ITGA1: variants seen among roughly 807,000 people sequenced by gnomAD.
The protein encoded by ITGA1 is integrin alpha-1.
ITGA1 carries 85 observed loss-of-function variants against 145.9 expected under a neutral mutation model. The observed-to-expected ratio is 0.58, with a 90% CI of 0.49 to 0.70. The LOEUF (loss-of-function observed/expected upper bound fraction) is 0.70. ITGA1 is among the 30% of genes least tolerant of loss of function. ITGA1 has a pLI of 0.00. For missense variants in ITGA1, 1,351 were observed against 1,418.7 expected, an observed-to-expected ratio of 0.95 and a Z score of 0.77; for synonymous variants, 520 against 495.3, an observed-to-expected ratio of 1.05 and a Z score of -0.66.
chr5:52,817,801 A>C, intron 1 of ITGA1, among the ~76,000 whole-genome samples: 1 of 152,346 alleles, frequency 6.6e-6, no homozygotes, highest in East Asian at 1.9e-4. Flanking sequence ...TATGCAAATT[A>C]TAATATACAT....
chr5:52,912,252 A>G (rs1750567910), intron 14 of ITGA1, among the ~76,000 whole-genome samples: 1 of 144,714 alleles, frequency 6.9e-6, no homozygotes, highest in African/African-American at 2.5e-5. Context: ...TACAATATAT[A>G]TTATATATAG....
chr5:52,847,076 A>T (rs1724776134), intron 1 of ITGA1, among the ~76,000 whole-genome samples: 1 of 152,192 alleles, frequency 6.6e-6, no homozygotes, highest in African/African-American at 2.4e-5. Flanking sequence ...GGAATTTTCC[A>T]ATTTGGGGGG....
intron 2 of ITGA1, among the ~76,000 whole-genome samples, chr5:52,852,296 G>C (rs1580062109): frequency 6.6e-6 from 1 of 152,138 alleles, no homozygotes. Context: ...GTCATTTTAT[G>C]AAACTTAATT....
chr5:52,920,947 T>C (rs1013968533), intron 17 of ITGA1, among the ~76,000 whole-genome samples: 1 of 151,856 alleles, frequency 6.6e-6, no homozygotes. Context: ...GGGAAAATTA[T>C]CTGGTATTTT....
At chr5:52,951,683 C>G (rs1386449863) in intron 28 of ITGA1, among the ~76,000 whole-genome samples, 5 of 152,108 alleles carry the variant, frequency 3.3e-5, no homozygotes, top group Non-Finnish European at 7.4e-5. Flanking sequence ...GTCAGATTCC[C>G]TACCATCTCT....
chr5:52,911,159 TGTATATAGA>T (rs1417622418), intron 14 of ITGA1, among the ~76,000 whole-genome samples: 3 of 136,980 alleles, frequency 2.2e-5, no homozygotes, highest in Non-Finnish European at 4.6e-5. Flanking sequence ...GTATATATAG[TGTATATAGA>T]GTACATATTG....
chr5:52,799,311 G>A (rs1020949621), intron 1 of ITGA1, among the ~76,000 whole-genome samples: 4 of 152,172 alleles, frequency 2.6e-5, no homozygotes, highest in Admixed American at 1.3e-4. Context: ...GTCAGTCCTA[G>A]TTAATAGTTT....
At chr5:52,794,444 T>TATA (rs1400879608) in intron 1 of ITGA1, among the ~76,000 whole-genome samples, 1 of 151,584 alleles carries the variant, frequency 6.6e-6, no homozygotes, top group South Asian at 2.1e-4. Flanking sequence ...ACATTTTACT[T>TATA]ATAATATTTT....
intron 26 of ITGA1, among the ~76,000 whole-genome samples, chr5:52,943,930 C>T (rs1751089305): frequency 6.6e-6 from 1 of 152,150 alleles, no homozygotes; most frequent in Admixed American, 6.5e-5. Context: ...AGGGAAAGTA[C>T]TCAGGTGGGG....
Position 52,905,839 on chromosome 5 carries a change from A to G in ITGA1, c.1386A>G (p.Thr462=), listed in dbSNP as rs200395460. 1 of 1,613,762 alleles carries G rather than the reference A, an allele frequency of 6.2e-7. No homozygotes were observed. Among genetic ancestry groups the G allele is most frequent in the East Asian group, 2.2e-5 (1 of 44,850 alleles). The change falls in exon 12 of 29, where the codon ACA becomes ACG. Residue 462 remains threonine (T), a synonymous_variant. Coordinates refer to ENST00000282588, the MANE Select transcript of ITGA1 (RefSeq NM_181501.2). ...YIAGQPRYNH[T]GQVIIYRMED... ...CTGGACAGCCTCGGTACAATCATAC[A>G]GGCCAGGTCATTATCTACAGGATGG... is the stretch of plus-strand genomic sequence containing the variant.
At chr5:52,820,697 T>C (rs1442174994) in intron 1 of ITGA1, among the ~76,000 whole-genome samples, 1 of 152,148 alleles carries the variant, frequency 6.6e-6, no homozygotes, top group Non-Finnish European at 1.5e-5. Context: ...TATTTGGTGA[T>C]ATTTGGTGAG....
At chr5:52,832,765 CTGTGTGTGTGTGTGTGTGTGTG>C (rs33977926) in intron 1 of ITGA1, among the ~76,000 whole-genome samples, 1 of 86,752 alleles carries the variant, frequency 1.2e-5, no homozygotes, top group Non-Finnish European at 2.4e-5. Flanking sequence ...ATATATAAAT[CTGTGTGTGTGTGTGTGTGTGTG>C]TGTGTGTGTG....
chr5:52,923,773 A>G (rs1301485313), intron 18 of ITGA1, among the ~76,000 whole-genome samples: 1 of 152,228 alleles, frequency 6.6e-6, no homozygotes, highest in Non-Finnish European at 1.5e-5. Flanking sequence ...TCTAATAAGC[A>G]CTGGATTGCA....
rs576489303 is a variant in ITGA1 at position 52,814,874 on chromosome 5, C to T, written c.61+26460C>T. 2.4e-4 allele frequency among the ~76,000 whole-genome samples: 37 copies of T among 152,228 alleles called. No homozygotes were observed. The East Asian group carries it at 5.6e-3, about 23-fold the overall frequency. On this transcript the variant is annotated intron_variant, in intron 1 of 28. Transcript: ENST00000282588. ...ATTTGATATTAGTCCTGATGCATCA[C>T]GAAAGTACGGAAACTCAGTTTCTAC... is the stretch of plus-strand genomic sequence containing the variant.
intron 1 of ITGA1, among the ~76,000 whole-genome samples, chr5:52,838,983 G>A (rs1243118228): frequency 6.6e-6 from 1 of 152,142 alleles, no homozygotes; most frequent in Admixed American, 6.5e-5. Context: ...TCTGGTCTTA[G>A]CTACTTGGGA....
At chr5:52,792,338 T>C (rs1396330925) in intron 1 of ITGA1, among the ~76,000 whole-genome samples, 2 of 152,158 alleles carry the variant, frequency 1.3e-5, no homozygotes, top group African/African-American at 4.8e-5. Context: ...AGACAATGTA[T>C]TGTCAGGAAT....
At chr5:52,836,217 C>G (rs1197555193) in intron 1 of ITGA1, among the ~76,000 whole-genome samples, 1 of 152,194 alleles carries the variant, frequency 6.6e-6, no homozygotes, top group Non-Finnish European at 1.5e-5. Context: ...ACATGTGTCT[C>G]TTTCTTACAG....
intron 1 of ITGA1, among the ~76,000 whole-genome samples, chr5:52,835,727 G>A (rs1379105328): frequency 4.6e-5 from 7 of 152,132 alleles, no homozygotes; most frequent in Admixed American, 1.3e-4. Flanking sequence ...GATGTCACAA[G>A]GTGTTCTTTT....
intron 1 of ITGA1, among the ~76,000 whole-genome samples, chr5:52,799,285 T>C (rs138832811): frequency 6.0e-4 from 92 of 152,350 alleles, no homozygotes; most frequent in Non-Finnish European, 1.1e-3. Context: ...TTAAATTATG[T>C]AGCTATTCAA....
Sources: allele counts gnomAD v4.1 joint callset (sites outside exome capture counted in the v4.1 genomes callset), GRCh38; gene constraint gnomAD v4.1.1; transcripts MANE v1.5; gene names NCBI Gene and HGNC (gene_info 2026-07-23, HGNC 2026-07-21).